FRMD6: variants seen among roughly 807,000 people sequenced by gnomAD.
The protein encoded by FRMD6 is FERM domain-containing protein 6.
A neutral mutation model predicts 73.2 loss-of-function variants in FRMD6; 37 were observed. The observed-to-expected ratio is 0.51, with a 90% confidence interval of 0.39 to 0.66. The LOEUF (loss-of-function observed/expected upper bound fraction) is 0.66. FRMD6 is among the 30% of genes least tolerant of loss of function. The pLI is 0.00. For missense variants in FRMD6, 714 were observed against 780.5 expected, an observed-to-expected ratio of 0.91 and a Z score of 1.02; for synonymous variants, 273 against 282.2, an observed-to-expected ratio of 0.97 and a Z score of 0.33.
chr14:51,471,955 G>A, the FRMD6 span, among the ~76,000 whole-genome samples: 1 of 152,144 alleles, frequency 6.6e-6, no homozygotes, highest in Non-Finnish European at 1.5e-5. Context: ...TGCCATGTGA[G>A]GACACACTGT....
chr14:51,644,559 AG>A (rs1473565225), intron 2 of FRMD6, among the ~76,000 whole-genome samples: 1 of 152,248 alleles, frequency 6.6e-6, no homozygotes, highest in Non-Finnish European at 1.5e-5. Context: ...AAGGAGAGAC[AG>A]TTAACATATT....
At chr14:51,423,585 C>T in the FRMD6 span, among the ~76,000 whole-genome samples, 1 of 152,136 alleles carries the variant, frequency 6.6e-6, no homozygotes, top group Non-Finnish European at 1.5e-5. Flanking sequence ...TGGACACTGG[C>T]CCAGGTGGTT....
intron 1 of FRMD6, among the ~76,000 whole-genome samples, chr14:51,550,034 A>C (rs534984126): frequency 6.6e-6 from 1 of 152,228 alleles, no homozygotes; most frequent in South Asian, 2.1e-4. Context: ...TTGGTGCCAC[A>C]GTTGTATAGC....
chr14:51,699,976 A>C (rs1896201612), intron 3 of FRMD6, among the ~76,000 whole-genome samples: 1 of 151,904 alleles, frequency 6.6e-6, no homozygotes, highest in Non-Finnish European at 1.5e-5. Flanking sequence ...TAACCCTTTC[A>C]TTAAAATTGG....
At chr14:51,516,230 AC>A (rs753482194) in intron 1 of FRMD6, among the ~76,000 whole-genome samples, 29 of 151,860 alleles carry the variant, frequency 1.9e-4, no homozygotes, top group East Asian at 9.7e-4. Context: ...TCACAAAAAA[AC>A]AAAATGTGTT....
At chr14:51,422,999 CT>C in the FRMD6 span, among the ~76,000 whole-genome samples, 1 of 152,200 alleles carries the variant, frequency 6.6e-6, no homozygotes, top group Non-Finnish European at 1.5e-5. Context: ...CGCATCTTTC[CT>C]TTTCCACCAC....
At chr14:51,639,976 A>G (rs940149351) in intron 2 of FRMD6, among the ~76,000 whole-genome samples, 1 of 152,206 alleles carries the variant, frequency 6.6e-6, no homozygotes, top group Non-Finnish European at 1.5e-5. Context: ...TGATTCATGT[A>G]TACATTATTA....
At chr14:51,467,085 T>C in the FRMD6 span, among the ~76,000 whole-genome samples, 7 of 152,180 alleles carry the variant, frequency 4.6e-5, no homozygotes, top group East Asian at 1.3e-3. Context: ...AACAAAGGTC[T>C]CTGGTTTTCC....
the FRMD6 span, among the ~76,000 whole-genome samples, chr14:51,412,857 A>T: frequency 6.8e-6 from 1 of 148,146 alleles, no homozygotes; most frequent in East Asian, 2.0e-4. Flanking sequence ...GTCTAAAAAA[A>T]TAAAATAAAA....
intron 9 of FRMD6, chr14:51,714,327 A>G (rs58905528): frequency 0.28 from 43,064 of 151,704 alleles, 6,529 homozygotes; most frequent in African/African-American, 0.38. Context: ...TAAAAAAAAA[A>G]CACCTCCACC....
chr14:51,613,686 C>T (rs1343160030), intron 2 of FRMD6, among the ~76,000 whole-genome samples: 1 of 152,052 alleles, frequency 6.6e-6, no homozygotes, highest in Non-Finnish European at 1.5e-5. Flanking sequence ...GCATATGCAG[C>T]CTGAAAGATG....
At chr14:51,500,987 C>T (rs1379642011) in intron 1 of FRMD6, among the ~76,000 whole-genome samples, 1 of 152,180 alleles carries the variant, frequency 6.6e-6, no homozygotes, top group Non-Finnish European at 1.5e-5. Flanking sequence ...AACTTGCCAG[C>T]TTATCAGGGT....
At chr14:51,470,317 A>C in the FRMD6 span, among the ~76,000 whole-genome samples, 1 of 152,152 alleles carries the variant, frequency 6.6e-6, no homozygotes, top group South Asian at 2.1e-4. Context: ...GAGAGTTCCA[A>C]ACAAGGCTGG....
intron 10 of FRMD6, 31 bp downstream of exon 10, chr14:51,715,530 T>C: frequency 2.0e-6 from 3 of 1,537,334 alleles, no homozygotes; most frequent in Non-Finnish European, 2.6e-6. Flanking sequence ...TGGAAGCAAA[T>C]TGTACCTTTG....
chr14:51,436,832 G>T, the FRMD6 span: 1 of 582,456 alleles, frequency 1.7e-6, no homozygotes, highest in Non-Finnish European at 3.0e-6. Context: ...AGAAGGAGAA[G>T]GAGAAGATGA....
chr14:51,595,938 T>C (rs1448685234), intron 2 of FRMD6, among the ~76,000 whole-genome samples: 1 of 152,234 alleles, frequency 6.6e-6, no homozygotes, highest in Admixed American at 6.5e-5. Context: ...TTGGGGTATG[T>C]AGGGTTTTAC....
the FRMD6 span, among the ~76,000 whole-genome samples, chr14:51,482,873 T>C: frequency 6.6e-6 from 1 of 152,008 alleles, no homozygotes; most frequent in Non-Finnish European, 1.5e-5. Context: ...GCGAATTTTT[T>C]GTATTTTTAG....
At chr14:51,517,634 A>G (rs1474348543) in intron 1 of FRMD6, among the ~76,000 whole-genome samples, 1 of 152,002 alleles carries the variant, frequency 6.6e-6, no homozygotes, top group Non-Finnish European at 1.5e-5. Context: ...TTAAGACCCA[A>G]TTACAAAGCC....
chr14:51,396,630 AG>A, the FRMD6 span, among the ~76,000 whole-genome samples: 1 of 152,206 alleles, frequency 6.6e-6, no homozygotes, highest in African/African-American at 2.4e-5. Context: ...CCAGAGGTGA[AG>A]GCAGTACTTA....
Sources: allele counts gnomAD v4.1 joint callset (sites outside exome capture counted in the v4.1 genomes callset), GRCh38; gene constraint gnomAD v4.1.1; transcripts MANE v1.5; gene names NCBI Gene and HGNC (gene_info 2026-07-23, HGNC 2026-07-21).